The following TARBP1 variants were observed in gnomAD, a reference collection of about 807,000 sequenced individuals.
TARBP1 encodes tRNA (guanosine(18)-2'-O)-methyltransferase TARBP1.
Under a neutral mutation model 178.6 loss-of-function variants are expected in TARBP1, and 144 were observed. The observed-to-expected ratio is 0.81, with a 90% CI of 0.70 to 0.93. The LOEUF (loss-of-function observed/expected upper bound fraction) is 0.93. Among genes scored for constraint, TARBP1 ranks in the 40% least tolerant of loss-of-function variants. The probability of loss-of-function intolerance (pLI) is 0.00; values close to 1 mark genes in which losing one functional copy is unlikely to be tolerated. For synonymous variants in TARBP1, 787 were observed against 781.0 expected (o/e 1.01, Z -0.13); for missense variants, 2,067 against 2,011.7 (o/e 1.03, Z -0.53).
chr1:234,417,591 T>C (rs558777140), intron 22 of TARBP1, among the ~76,000 whole-genome samples: 3 of 152,312 alleles, frequency 2.0e-5, no homozygotes, highest in African/African-American at 7.2e-5. Flanking sequence ...TCCTTAAAAA[T>C]GATTTTCAAT....
At position 234,469,077 on chromosome 1, in the gene TARBP1, T is replaced by TTTAA. The variant is rs1413764322; in HGVS notation, c.1100-1428_1100-1427insTTAA. Among the ~76,000 whole-genome samples the TTTAA allele has an allele frequency of 8.0e-3, 508 of 63,628 alleles. 2 individuals are homozygous for TTTAA. Among genetic ancestry groups the TTTAA allele is most frequent in the South Asian group, 0.018 (25 of 1,402 alleles). The allele number at this position is 63,628 out of a possible 152,430, so 41.7% of individuals were successfully genotyped here. On this transcript the variant is annotated intron_variant, in intron 3 of 29. Transcript: ENST00000040877. ...GTTTTTGCCTTTTTTTTTTTTTTTT[T>TTTAA]AAAAAAAAAAAAAAGGCAAAAACCG...
At chr1:234,447,394 C>CTTTTTTTTTTTTTTTTT (rs36066908) in intron 11 of TARBP1, among the ~76,000 whole-genome samples, 5 of 104,626 alleles carry the variant, frequency 4.8e-5, no homozygotes, top group East Asian at 2.9e-4. Flanking sequence ...TGTTAACCAA[C>CTTTTTTTTTTTTTTTTT]TTTTTTTTTT....
chr1:234,460,182 T>G (rs1433626525), intron 7 of TARBP1, 79 bp downstream of exon 7: 1 of 1,459,914 alleles, frequency 6.8e-7, no homozygotes, highest in Non-Finnish European at 9.1e-7. Context: ...TACTGTAGAT[T>G]AAAGCAGAGG....
rs1306095713 is a variant in TARBP1, at chr1:234,460,321, TTAGA to T, written c.1471_1474del (p.Ser491ArgfsTer14). Reference sequence around the variant, plus strand: ...ATGTCTTGGGACATTTGCCAAAGCCTTAGATAGAAACAAAATGGGAACAGCACAC... The same window carrying T: ...ATGTCTTGGGACATTTGCCAAAGCCTTAGAAACAAAATGGGAACAGCACAC... On this transcript the variant is annotated frameshift_variant, in exon 7 of 30. Coordinates refer to ENST00000040877, the MANE Select transcript of TARBP1 (RefSeq NM_005646.4). LOFTEE classifies it high-confidence loss of function. 3.1e-6 allele frequency: 5 copies of T among 1,614,034 alleles called. No individual in the cohort carries two copies. In the African/African-American group the frequency reaches 4.0e-5, roughly 13 times the overall value.
chr1:234,396,240 G>C (rs143721259), intron 26 of TARBP1, among the ~76,000 whole-genome samples: 1 of 152,168 alleles, frequency 6.6e-6, no homozygotes, highest in Non-Finnish European at 1.5e-5. Flanking sequence ...CGCAGAACTC[G>C]ACAGCTGCCT....
At chr1:234,478,041 G>T in intron 1 of TARBP1, 132 bp downstream of exon 1, 1 of 866,414 alleles carries the variant, frequency 1.2e-6, no homozygotes. Flanking sequence ...CTTTAGGGGA[G>T]CAACGCGGAA....
chr1:234,395,532 T>C (rs540671882), intron 26 of TARBP1, among the ~76,000 whole-genome samples: 13 of 152,296 alleles, frequency 8.5e-5, no homozygotes, highest in African/African-American at 3.1e-4. Flanking sequence ...GATTGACCAA[T>C]ACCATTAATA....
chr1:234,413,919 T>C (rs1011295329), intron 22 of TARBP1, among the ~76,000 whole-genome samples: 2 of 152,174 alleles, frequency 1.3e-5, no homozygotes, highest in African/African-American at 4.8e-5. Context: ...GCATGGAAAG[T>C]GTCAAGGTTT....
chr1:234,405,838 T>G, intron 24 of TARBP1, 65 bp downstream of exon 24: 1 of 1,465,998 alleles, frequency 6.8e-7, no homozygotes, highest in Non-Finnish European at 9.4e-7. Context: ...GTATGGGCAC[T>G]GCCCCCTCCC....
chr1:234,478,517 A>G lies in TARBP1; in HGVS notation c.587T>C (p.Leu196Pro). ...CCCGCCACATTGGACCAGCACTGGC[A>G]GCAGTCGCCCGGCCACCAGCGCCGC... ...DAAALVAGRL[L>P]PVLVQCGGAA... Residue 196 changes from leucine to proline, a missense_variant, in exon 1 of 30, where the codon CTG (leucine) becomes CCG (proline). Coordinates refer to ENST00000040877, the MANE Select transcript of TARBP1 (RefSeq NM_005646.4). 1 of 1,382,550 alleles carries G rather than the reference A, an allele frequency of 7.2e-7. No individual in the cohort carries two copies. The highest frequency in any genetic ancestry group is 9.4e-7 in the Non-Finnish European group (1 of 1,064,990). 85.6% of individuals were successfully genotyped at this position (1,382,550 alleles called of 1,614,324 possible).
chr1:234,477,846 A>G (rs1480143507), intron 1 of TARBP1, among the ~76,000 whole-genome samples: 1 of 152,194 alleles, frequency 6.6e-6, no homozygotes, highest in East Asian at 1.9e-4. Context: ...AACCGTTTCT[A>G]TTGGGTTGAA....
intron 6 of TARBP1, among the ~76,000 whole-genome samples, chr1:234,463,484 G>A (rs1001107271): frequency 3.9e-5 from 6 of 152,074 alleles, no homozygotes; most frequent in African/African-American, 1.4e-4. Flanking sequence ...GCCACAATGA[G>A]TATTCTGTTT....
chr1:234,425,957 C>G (rs956964833), intron 19 of TARBP1, among the ~76,000 whole-genome samples, 164 bp from the exon 20 acceptor site: 1 of 152,082 alleles, frequency 6.6e-6, no homozygotes, highest in Non-Finnish European at 1.5e-5. Context: ...GAATAGATAA[C>G]AGAAGATAAC....
chr1:234,425,289 A>G (rs972415264), intron 20 of TARBP1, among the ~76,000 whole-genome samples: 1 of 152,238 alleles, frequency 6.6e-6, no homozygotes, highest in African/African-American at 2.4e-5. Context: ...GCACTGGAAA[A>G]TACAGAGTGA....
chr1:234,405,283 C>A (rs949570667), intron 24 of TARBP1: 1 of 152,154 alleles, frequency 6.6e-6, no homozygotes, highest in Non-Finnish European at 1.5e-5. Context: ...ACAGCACCAC[C>A]TCAGAGATAA....
chr1:234,475,549 G>A (rs73103950), intron 1 of TARBP1, among the ~76,000 whole-genome samples: 3,287 of 152,358 alleles, frequency 0.022, 122 homozygotes, highest in African/African-American at 0.075. Flanking sequence ...CACGCAGAAT[G>A]CAGCTGCCAC....
chr1:234,439,165 T>A (rs111585333), intron 12 of TARBP1, among the ~76,000 whole-genome samples: 2 of 152,138 alleles, frequency 1.3e-5, no homozygotes, highest in Admixed American at 1.3e-4. Flanking sequence ...ATAGGGAAAT[T>A]TGGAATATCA....
chr1:234,432,212 C>A (rs1664510403), intron 14 of TARBP1, among the ~76,000 whole-genome samples: 1 of 151,192 alleles, frequency 6.6e-6, no homozygotes, highest in Non-Finnish European at 1.5e-5. Context: ...GAGGCTGAGG[C>A]AGGCAAATTG....
intron 24 of TARBP1, among the ~76,000 whole-genome samples, chr1:234,402,771 G>T (rs1368130649): frequency 2.0e-5 from 3 of 151,854 alleles, no homozygotes; most frequent in South Asian, 2.1e-4. Flanking sequence ...TTTTTATAGA[G>T]AACGGGGTTT....
Sources: gnomAD v4.1 joint callset for allele counts (sites outside exome capture counted in the v4.1 genomes callset) on GRCh38, gnomAD v4.1.1 for gene constraint, MANE v1.5 for transcripts, NCBI Gene and HGNC (gene_info 2026-07-23, HGNC 2026-07-21) for gene names.